RAD51B: variants seen among roughly 807,000 people sequenced by gnomAD.
RAD51B encodes the protein DNA repair protein RAD51 homolog 2.
Under a neutral mutation model 42.2 loss-of-function variants are expected in RAD51B, and 38 were observed. That is an observed-to-expected ratio of 0.90 (90% CI 0.70 to 1.18). The LOEUF (loss-of-function observed/expected upper bound fraction) is 1.18. RAD51B is among the 50% of genes most tolerant of loss of function. RAD51B has a pLI of 0.00. For missense variants in RAD51B, 373 were observed against 400.7 expected (o/e 0.93, Z 0.59); for synonymous variants, 154 against 145.2 (o/e 1.06, Z -0.43).
chr14:68,441,541 C>CAAAAAAAAAAAAAAAAAAAAAAAAAA (rs67477807), intron 9 of RAD51B, among the ~76,000 whole-genome samples: 1 of 68,034 alleles, frequency 1.5e-5, no homozygotes, highest in Non-Finnish European at 2.6e-5. Flanking sequence ...GACTCCATCT[C>CAAAAAAAAAAAAAAAAAAAAAAAAAA]AAAAAAAAAA....
intron 5 of RAD51B, among the ~76,000 whole-genome samples, chr14:67,880,435 A>G (rs1354846551): frequency 6.6e-6 from 1 of 152,228 alleles, no homozygotes; most frequent in Non-Finnish European, 1.5e-5. Context: ...CCTTGAGACA[A>G]TGGTTGTACT....
intron 10 of RAD51B, among the ~76,000 whole-genome samples, chr14:68,503,985 TG>T (rs1566917111): frequency 6.6e-6 from 1 of 152,102 alleles, no homozygotes. Context: ...AACTTCACGG[TG>T]GTGGTGTTGT....
intron 7 of RAD51B, among the ~76,000 whole-genome samples, chr14:68,152,893 G>A (rs577550596): frequency 2.6e-5 from 4 of 152,140 alleles, no homozygotes; most frequent in African/African-American, 9.6e-5. Context: ...AAGGATAATG[G>A]CCTCCAGCTC....
At chr14:68,370,917 G>A (rs550481469) in intron 8 of RAD51B, among the ~76,000 whole-genome samples, 1 of 151,324 alleles carries the variant, frequency 6.6e-6, no homozygotes, top group East Asian at 2.0e-4. Context: ...CACACCTGTA[G>A]TCCCAGCTGC....
intron 8 of RAD51B, among the ~76,000 whole-genome samples, chr14:68,372,396 A>G (rs2139955702): frequency 6.6e-6 from 1 of 152,220 alleles, no homozygotes; most frequent in African/African-American, 2.4e-5. Flanking sequence ...GCATTTTGAT[A>G]TTGATGTACA....
intron 4 of RAD51B, among the ~76,000 whole-genome samples, chr14:67,835,539 G>A (rs2041209393): frequency 6.8e-6 from 1 of 147,108 alleles, no homozygotes; most frequent in African/African-American, 2.7e-5. Context: ...ACATTTATAT[G>A]TACACACGTC....
intron 7 of RAD51B, among the ~76,000 whole-genome samples, chr14:68,267,923 TA>T (rs1341437733): frequency 6.7e-6 from 1 of 148,808 alleles, no homozygotes; most frequent in African/African-American, 2.6e-5. Context: ...TTTACACAGA[TA>T]AAACCAAACT....
At chr14:68,344,420 G>A (rs112046003) in intron 8 of RAD51B, among the ~76,000 whole-genome samples, 3 of 152,120 alleles carry the variant, frequency 2.0e-5, no homozygotes, top group Non-Finnish European at 2.9e-5. Context: ...GGCTGAGGTG[G>A]GTGGATCACG....
At chr14:68,547,757 G>A (rs1888313085) in intron 10 of RAD51B, among the ~76,000 whole-genome samples, 1 of 152,124 alleles carries the variant, frequency 6.6e-6, no homozygotes, top group Admixed American at 6.5e-5. Context: ...AGCCAGGCTT[G>A]GACAAAAAGT....
At chr14:68,174,158 C>G (rs1022430304) in intron 7 of RAD51B, among the ~76,000 whole-genome samples, 1 of 152,164 alleles carries the variant, frequency 6.6e-6, no homozygotes, top group Non-Finnish European at 1.5e-5. Context: ...TGTTCAGACT[C>G]TAGTGGAGGT....
intron 9 of RAD51B, among the ~76,000 whole-genome samples, chr14:68,441,386 C>A (rs1311245487): frequency 7.0e-6 from 1 of 143,008 alleles, no homozygotes; most frequent in South Asian, 2.3e-4. Context: ...AGTAAAAAAA[C>A]AAAAAATTAG....
chr14:67,938,856 T>C (rs1056926471), intron 7 of RAD51B, among the ~76,000 whole-genome samples: 10 of 152,198 alleles, frequency 6.6e-5, no homozygotes, highest in African/African-American at 2.2e-4. Context: ...ATTTAGTGGC[T>C]GAGGAAGTGA....
chr14:68,541,411 A>T, intron 10 of RAD51B: 1 of 985,420 alleles, frequency 1.0e-6, no homozygotes, highest in Non-Finnish European at 1.2e-6. Context: ...CAGTCCTCAC[A>T]GAGTGTGTCT....
chr14:68,422,828 A>G (rs1484715788), intron 9 of RAD51B, among the ~76,000 whole-genome samples: 1 of 152,170 alleles, frequency 6.6e-6, no homozygotes, highest in Non-Finnish European at 1.5e-5. Flanking sequence ...AAGTTGACAT[A>G]GTCACTCCTT....
chr14:68,404,999 C>CT (rs1466851888), intron 8 of RAD51B, among the ~76,000 whole-genome samples: 2 of 152,182 alleles, frequency 1.3e-5, no homozygotes, highest in African/African-American at 4.8e-5. Context: ...CCAGAGAAAG[C>CT]TAATTGGAGT....
At chr14:68,109,773 C>A (rs2140579574) in intron 7 of RAD51B, among the ~76,000 whole-genome samples, 1 of 151,980 alleles carries the variant, frequency 6.6e-6, no homozygotes, top group South Asian at 2.1e-4. Context: ...TACTTGATAA[C>A]ATGAGGCACT....
At chr14:68,325,388 G>A (rs775813540) in intron 8 of RAD51B, among the ~76,000 whole-genome samples, 1 of 152,160 alleles carries the variant, frequency 6.6e-6, no homozygotes, top group Non-Finnish European at 1.5e-5. Flanking sequence ...TTATATTTTT[G>A]TGAAGTCTGA....
intron 7 of RAD51B, among the ~76,000 whole-genome samples, chr14:68,103,189 T>C (rs1269138138): frequency 6.6e-6 from 1 of 152,186 alleles, no homozygotes; most frequent in African/African-American, 2.4e-5. Context: ...TGCATGTCTT[T>C]TGAGTTGCTT....
intron 9 of RAD51B, among the ~76,000 whole-genome samples, chr14:68,456,722 A>C (rs2085695967): frequency 6.6e-6 from 1 of 152,164 alleles, no homozygotes; most frequent in African/African-American, 2.4e-5. Flanking sequence ...ACAATACTCT[A>C]TGCCAACTAG....
Sources: gnomAD v4.1 joint callset for allele counts (sites outside exome capture counted in the v4.1 genomes callset) on GRCh38, gnomAD v4.1.1 for gene constraint, MANE v1.5 for transcripts, NCBI Gene and HGNC (gene_info 2026-07-23, HGNC 2026-07-21) for gene names.